Variants in CENPK observed in about 807,000 individuals in gnomAD.
The protein encoded by CENPK is SoxLZ/Sox6-binding protein Solt.
Under a neutral mutation model 40.9 loss-of-function variants are expected in CENPK, and 46 were observed. The ratio of observed to expected loss-of-function variants is 1.13; its 90% CI spans 0.89 to 1.44. The LOEUF (loss-of-function observed/expected upper bound fraction) is 1.44, where lower values mean the gene tolerates loss of function less well. Ranked by LOEUF, CENPK falls within the 40% of genes most tolerant of loss-of-function variation. The pLI is 0.00. For missense variants in CENPK, 288 were observed against 303.5 expected, an observed-to-expected ratio of 0.95 and a Z score of 0.38; for synonymous variants, 107 against 104.4, an observed-to-expected ratio of 1.02 and a Z score of -0.15.
At chr5:65,516,682 T>C (rs1250285843), downstream of CENPK, among the ~76,000 whole-genome samples, 1 of 142,682 alleles carries the variant, frequency 7.0e-6, no homozygotes, top group Admixed American at 7.5e-5. Flanking sequence ...AAGTTAAAAA[T>C]TTTACATCTC....
At chr5:65,531,793 C>T (rs1241863288) in intron 6 of CENPK, among the ~76,000 whole-genome samples, 6 of 152,064 alleles carry the variant, frequency 3.9e-5, no homozygotes, top group South Asian at 2.1e-4. Flanking sequence ...TGAGCCACTG[C>T]GCCCGGCCTA....
chr5:65,499,973 C>A, the CENPK span, among the ~76,000 whole-genome samples: 1 of 88,124 alleles, frequency 1.1e-5, no homozygotes, highest in African/African-American at 4.3e-5. Context: ...CCAGTTTCAT[C>A]CATGTCCCTA....
intron 3 of CENPK, 75 bp from the exon 4 acceptor site, chr5:65,552,624 A>T (rs1666773101): frequency 1.2e-6 from 1 of 812,316 alleles, no homozygotes; most frequent in Non-Finnish European, 2.0e-6. Flanking sequence ...CTCCTTTTCT[A>T]CCAGGCCAAT....
chr5:65,522,760 G>C (rs1744017448), intron 9 of CENPK, among the ~76,000 whole-genome samples: 1 of 152,080 alleles, frequency 6.6e-6, no homozygotes, highest in African/African-American at 2.4e-5. Flanking sequence ...ATAAATTTGA[G>C]GCTTCTCAAT....
In CENPK at chr5:65,542,819, T is replaced by C. The variant is rs1314951065; in HGVS notation, c.271A>G (p.Thr91Ala). 3.1e-6 allele frequency: 5 copies of C among 1,610,958 alleles called. 1 individual carries two copies. The South Asian group carries it at 5.5e-5, about 18-fold the overall frequency. Reference sequence around the variant, plus strand: ...TGGCTTACCTCTTCTTTTCCTAATGTTATGAGAACGTCTTCAGTCAAGGGA... The same window carrying C: ...TGGCTTACCTCTTCTTTTCCTAATGCTATGAGAACGTCTTCAGTCAAGGGA... ...TIPLTEDVLI[T>A]LGKEEFQKLR... Residue 91 changes from threonine to alanine, a missense_variant, in exon 6 of 11, where the codon ACA becomes GCA. Thr to Ala is a moderately conservative substitution (Grantham distance 58, BLOSUM62 0). Coordinates refer to ENST00000396679, the MANE Select transcript of CENPK (RefSeq NM_022145.5).
At chr5:65,531,405 CTTTTT>C (rs35716247) in intron 6 of CENPK, among the ~76,000 whole-genome samples, 25 of 143,080 alleles carry the variant, frequency 1.7e-4, no homozygotes, top group African/African-American at 6.4e-4. Context: ...CAAAATTTGT[CTTTTT>C]TTTTTTTTCA....
At chr5:65,507,225 C>A in the CENPK span, among the ~76,000 whole-genome samples, 1 of 152,160 alleles carries the variant, frequency 6.6e-6, no homozygotes, top group Non-Finnish European at 1.5e-5. Flanking sequence ...AGAGAAGCCA[C>A]TTCCTACTGG....
chr5:65,506,843 A>G, the CENPK span, among the ~76,000 whole-genome samples: 3 of 152,136 alleles, frequency 2.0e-5, no homozygotes, highest in East Asian at 5.8e-4. Flanking sequence ...CAAAATACCC[A>G]TTCTAAAGCC....
the CENPK span, among the ~76,000 whole-genome samples, chr5:65,508,445 C>T: frequency 5.3e-5 from 8 of 151,908 alleles, no homozygotes; most frequent in East Asian, 1.9e-4. Context: ...ATAACATATC[C>T]GATAAAAAAT....
chr5:65,546,234 C>A (rs990842686), intron 5 of CENPK, among the ~76,000 whole-genome samples: 7 of 125,816 alleles, frequency 5.6e-5, no homozygotes, highest in African/African-American at 1.2e-4. Context: ...CCCTGCCCCC[C>A]CGCTCAGGTG....
At chr5:65,508,902 C>T in the CENPK span, among the ~76,000 whole-genome samples, 1 of 151,414 alleles carries the variant, frequency 6.6e-6, no homozygotes, top group East Asian at 1.9e-4. Flanking sequence ...TGAAAGAAAC[C>T]ATTAATAAAT....
chr5:65,545,380 ACG>A (rs1748745434), intron 5 of CENPK, among the ~76,000 whole-genome samples: 3 of 135,490 alleles, frequency 2.2e-5, no homozygotes, highest in African/African-American at 8.7e-5. Flanking sequence ...ACACACACAC[ACG>A]CCTTCTCTAT....
the CENPK span, among the ~76,000 whole-genome samples, chr5:65,499,002 G>T: frequency 0.59 from 89,648 of 151,154 alleles, 26,923 homozygotes; most frequent in Non-Finnish European, 0.63. Flanking sequence ...TTCCTTCTTT[G>T]ATGATTTCCT....
At position 65,529,185 on chromosome 5, in the gene CENPK, T is replaced by C; in HGVS notation, c.303A>G (p.Arg101=). ...TGGACAGTACCATTTCAAGATCTTG[T>C]CTCAGCTTTTGGAACTAGAATAAAA... The part of the protein sequence containing the change: ...TLGKEEFQKL[R]QDLEMVLSTK... The change falls in exon 7 of 11, where the codon AGA becomes AGG. Residue 101 remains arginine, a synonymous_variant. Coordinates refer to ENST00000396679, the MANE Select transcript of CENPK (RefSeq NM_022145.5). The C allele has an allele frequency of 6.2e-7, 1 of 1,605,440 alleles. No individual in the cohort carries two copies. The highest frequency in any genetic ancestry group is 8.5e-7 in the Non-Finnish European group (1 of 1,174,526).
chr5:65,546,639 T>TAA (rs1305435306), intron 5 of CENPK, among the ~76,000 whole-genome samples: 1 of 152,348 alleles, frequency 6.6e-6, no homozygotes, highest in East Asian at 1.9e-4. Flanking sequence ...TTTCAAGAGA[T>TAA]AATTAAGTTA....
intron 8 of CENPK, 73 bp from the exon 9 acceptor site, chr5:65,528,651 G>A: frequency 7.2e-7 from 1 of 1,391,082 alleles, no homozygotes; most frequent in East Asian, 2.7e-5. Flanking sequence ...AGTTATTCAT[G>A]AAGTTGATCA....
chr5:65,514,509 C>T (rs1742735137), downstream of CENPK, among the ~76,000 whole-genome samples: 1 of 152,002 alleles, frequency 6.6e-6, no homozygotes, highest in Non-Finnish European at 1.5e-5. Flanking sequence ...TCGTGATCCG[C>T]CCACCTCAGC....
At chr5:65,559,106 A>G (rs538343815) in intron 2 of CENPK, among the ~76,000 whole-genome samples, 10 of 152,320 alleles carry the variant, frequency 6.6e-5, no homozygotes, top group African/African-American at 2.2e-4. Flanking sequence ...CCCCTCCTCA[A>G]TATCTTTATT....
intron 2 of CENPK, among the ~76,000 whole-genome samples, chr5:65,558,983 A>T (rs1684526241): frequency 6.6e-6 from 1 of 152,202 alleles, no homozygotes; most frequent in Admixed American, 6.5e-5. Context: ...AAAGAATGGA[A>T]GAGGATTAGA....
Sources: gnomAD v4.1 joint callset for allele counts (sites outside exome capture counted in the v4.1 genomes callset) on GRCh38, gnomAD v4.1.1 for gene constraint, MANE v1.5 for transcripts, NCBI Gene and HGNC (gene_info 2026-07-23, HGNC 2026-07-21) for gene names.